The following GMDS variants were observed in gnomAD, a reference collection of about 807,000 sequenced individuals.
The protein encoded by GMDS is GDP-mannose 4,6 dehydratase.
In GMDS, 20 loss-of-function variants were observed where a neutral mutation model predicts 49.9. That is an observed-to-expected ratio of 0.40 (90% CI 0.28 to 0.58). GMDS has a LOEUF of 0.58. GMDS is among the 20% of genes least tolerant of loss of function. GMDS has a pLI of 0.42. For missense variants in GMDS, 362 were observed against 481.4 expected (o/e 0.75, Z 2.32); for synonymous variants, 177 against 178.6 (o/e 0.99, Z 0.07).
intron 7 of GMDS, among the ~76,000 whole-genome samples, chr6:1,838,527 T>C (rs1231886720): frequency 6.6e-6 from 1 of 152,240 alleles, no homozygotes; most frequent in Admixed American, 6.5e-5. Flanking sequence ...TTTACCTCTG[T>C]GAAATTTTGA....
intron 4 of GMDS, among the ~76,000 whole-genome samples, chr6:2,044,778 A>T (rs189587647): frequency 5.9e-5 from 9 of 152,338 alleles, no homozygotes; most frequent in African/African-American, 9.6e-5. Context: ...TGCCATTATT[A>T]ATTGGAACAC....
At chr6:1,793,162 GGGGCACTGTGGGGCA>G (rs1769607360) in intron 7 of GMDS, among the ~76,000 whole-genome samples, 1 of 152,130 alleles carries the variant, frequency 6.6e-6, no homozygotes, top group Admixed American at 6.6e-5. Flanking sequence ...GTTTCCTCCA[GGGGCACTGTGGGGCA>G]GTTTCCTGGG....
chr6:1,888,009 T>C (rs1759688060), intron 7 of GMDS, among the ~76,000 whole-genome samples: 1 of 152,118 alleles, frequency 6.6e-6, no homozygotes, highest in Non-Finnish European at 1.5e-5. Flanking sequence ...AGTGTAACGG[T>C]GCAATCATGG....
chr6:1,952,339 T>C (rs1291843193), intron 6 of GMDS, among the ~76,000 whole-genome samples: 1 of 152,114 alleles, frequency 6.6e-6, no homozygotes, highest in Non-Finnish European at 1.5e-5. Context: ...CACATACAGA[T>C]AAAAAATTTG....
intron 4 of GMDS, among the ~76,000 whole-genome samples, chr6:2,092,319 A>G (rs1424006827): frequency 6.6e-6 from 1 of 152,152 alleles, no homozygotes; most frequent in African/African-American, 2.4e-5. Flanking sequence ...GGCAAAATAT[A>G]ACTTCAATCA....
At chr6:1,830,910 C>T (rs867177048) in intron 7 of GMDS, among the ~76,000 whole-genome samples, 38 of 152,314 alleles carry the variant, frequency 2.5e-4, no homozygotes, top group South Asian at 6.2e-4. Context: ...CCAAACACTT[C>T]AGAAAATGTA....
rs768027740 is a variant in GMDS, at chr6:2,011,068, C to T, written c.346-50102G>A. ...TCAACCCAAATAAGGCAAGAAAAGA[C>T]GGGGGAAAGGATCCAAGAACAAATG... On this transcript the variant is annotated intron_variant, in intron 4 of 10. Coordinates refer to ENST00000380815, the MANE Select transcript of GMDS (RefSeq NM_001500.4). Among the ~76,000 whole-genome samples the T allele has an allele frequency of 5.9e-5, 9 of 151,992 alleles. No homozygotes were observed. The South Asian group carries it at 6.2e-4, about 11-fold the overall frequency.
intron 8 of GMDS, among the ~76,000 whole-genome samples, chr6:1,730,486 A>G (rs531720305): frequency 6.6e-6 from 1 of 152,332 alleles, no homozygotes; most frequent in African/African-American, 2.4e-5. Context: ...CTCCATAGGC[A>G]GCAGTCTGGG....
intron 4 of GMDS, among the ~76,000 whole-genome samples, chr6:2,105,873 C>A (rs1341422772): frequency 6.6e-6 from 1 of 152,138 alleles, no homozygotes. Flanking sequence ...ACACAATACT[C>A]CTCTTCTCTG....
intron 4 of GMDS, among the ~76,000 whole-genome samples, chr6:2,064,784 G>C (rs2127451368): frequency 6.6e-6 from 1 of 152,276 alleles, no homozygotes; most frequent in East Asian, 1.9e-4. Context: ...TTTCGTATGA[G>C]CTGATTCTTT....
intron 7 of GMDS, among the ~76,000 whole-genome samples, chr6:1,916,401 T>C (rs1561888648): frequency 6.6e-6 from 1 of 151,698 alleles, no homozygotes. Flanking sequence ...AGAGTTTTCA[T>C]ATTGTATTCC....
At chr6:1,890,262 A>C (rs1581312699) in intron 7 of GMDS, among the ~76,000 whole-genome samples, 1 of 152,244 alleles carries the variant, frequency 6.6e-6, no homozygotes, top group Admixed American at 6.5e-5. Context: ...TATCACAGCC[A>C]GTCTAGTGGG....
intron 6 of GMDS, among the ~76,000 whole-genome samples, chr6:1,941,974 C>G (rs1044656558): frequency 6.6e-6 from 1 of 152,192 alleles, no homozygotes; most frequent in East Asian, 1.9e-4. Flanking sequence ...TCTGCTCCTA[C>G]GCCGTGAACT....
intron 2 of GMDS, among the ~76,000 whole-genome samples, chr6:2,121,839 T>A: frequency 6.6e-6 from 1 of 152,210 alleles, no homozygotes; most frequent in East Asian, 1.9e-4. Context: ...CCCACCAACC[T>A]GGCCCTGCTC....
chr6:2,074,121 C>T (rs1486152104), intron 4 of GMDS, among the ~76,000 whole-genome samples: 2 of 152,172 alleles, frequency 1.3e-5, no homozygotes, highest in Non-Finnish European at 2.9e-5. Flanking sequence ...TGTATTAATT[C>T]ACCTTCCCAC....
At chr6:1,714,181 C>T (rs62388332) in intron 9 of GMDS, among the ~76,000 whole-genome samples, 5,434 of 152,230 alleles carry the variant, frequency 0.036, 113 homozygotes, top group Non-Finnish European at 0.056. Flanking sequence ...CCACGCCCAG[C>T]TAATTTTTTT....
chr6:1,730,853 T>C (rs1282373402), intron 8 of GMDS, among the ~76,000 whole-genome samples: 1 of 151,738 alleles, frequency 6.6e-6, no homozygotes, highest in East Asian at 1.9e-4. Context: ...AAACCAAGTA[T>C]TACGAGACAG....
chr6:1,967,817 A>G (rs1425123850), intron 4 of GMDS, among the ~76,000 whole-genome samples: 2 of 152,378 alleles, frequency 1.3e-5, no homozygotes, highest in East Asian at 3.9e-4. Flanking sequence ...CAACATTCAA[A>G]GATACAAACA....
intron 4 of GMDS, among the ~76,000 whole-genome samples, chr6:1,983,914 T>C (rs9405535): frequency 6.6e-6 from 1 of 152,100 alleles, no homozygotes; most frequent in Admixed American, 6.5e-5. Context: ...TGAAGATACA[T>C]GCATGCGTAT....
Sources: allele counts gnomAD v4.1 joint callset (sites outside exome capture counted in the v4.1 genomes callset), GRCh38; gene constraint gnomAD v4.1.1; transcripts MANE v1.5; gene names NCBI Gene and HGNC (gene_info 2026-07-23, HGNC 2026-07-21).